ABCC6: variants seen among roughly 807,000 people sequenced by gnomAD.
The protein encoded by ABCC6 is ATP-binding cassette sub-family C member 6.
ABCC6 carries 126 observed loss-of-function variants against 169.5 expected under a neutral mutation model. The ratio of observed to expected loss-of-function variants is 0.74; its 90% confidence interval spans 0.64 to 0.86. The LOEUF (loss-of-function observed/expected upper bound fraction) is 0.86. ABCC6 is among the 40% of genes least tolerant of loss of function. The pLI, the probability that ABCC6 is intolerant of heterozygous loss-of-function variation, is 0.00. For synonymous variants in ABCC6, 752 were observed against 814.7 expected (o/e 0.92, Z 1.31); for missense variants, 1,733 against 1,927.2 (o/e 0.90, Z 1.89).
At chr16:16,186,980 G>T (rs897129499) in intron 14 of ABCC6, 144 bp downstream of exon 14, 2 of 722,186 alleles carry the variant, frequency 2.8e-6, no homozygotes, top group East Asian at 2.7e-5. Context: ...CAAGTGACAC[G>T]CAGATGGCGT....
intron 6 of ABCC6, 141 bp from the exon 7 acceptor site, chr16:16,209,000 T>C (rs2048500675): frequency 1.3e-6 from 1 of 797,024 alleles, no homozygotes; most frequent in African/African-American, 1.7e-5. Flanking sequence ...AAGAAAGCAA[T>C]TCACTAACCC....
intron 11 of ABCC6, among the ~76,000 whole-genome samples, chr16:16,192,607 TGAC>T (rs1197863646): frequency 6.6e-6 from 1 of 152,136 alleles, no homozygotes; most frequent in Admixed American, 6.5e-5. Flanking sequence ...GGCATTGAAC[TGAC>T]CCAGGGCCTG....
chr16:16,150,747 G>A lies in ABCC6; in HGVS notation c.4234C>T (p.Leu1412=). 6.2e-7 allele frequency: 1 copy of A among 1,613,870 alleles called. No homozygotes were observed. The highest frequency in any genetic ancestry group is 2.2e-5 in the East Asian group (1 of 44,870). ...LSVGQKQLLC[L]ARALLRKTQI... Reference sequence around the variant, plus strand: ...GTCTTCCGGAGAAGGGCACGTGCCAGACACAGGAGCTGTTTCTGGCCCACG... The same window carrying A: ...GTCTTCCGGAGAAGGGCACGTGCCAAACACAGGAGCTGTTTCTGGCCCACG... The change falls in exon 30 of 31, where the codon CTG becomes TTG. Residue 1412 remains leucine, a synonymous_variant. Transcript: ENST00000205557.
At chr16:16,162,908 T>G in intron 24 of ABCC6, 85 bp downstream of exon 24, 2 of 1,567,928 alleles carry the variant, frequency 1.3e-6, no homozygotes, top group Non-Finnish European at 1.8e-6. Flanking sequence ...CTGGGTGACC[T>G]CTCTACCATA....
At chr16:16,184,198 C>CAAAAAAAAAA (rs56071235) in intron 15 of ABCC6, 1 of 71,346 alleles carries the variant, frequency 1.4e-5, no homozygotes, top group Non-Finnish European at 2.6e-5. Context: ...GACTCCGTTT[C>CAAAAAAAAAA]AAAAAAAAAA....
At position 16,149,961 on chromosome 16, in the gene ABCC6, C is replaced by T. The variant is rs2152206442; in HGVS notation, c.*172G>A. On this transcript the variant is annotated 3_prime_UTR_variant, in exon 31 of 31. Transcript: ENST00000205557. ...CCTGTGTATTGCTAGGTCCTTCCGG[C>T]TCTGATGCTCTGTGATAATTGGCCA... 3.0e-6 allele frequency: 3 copies of T among 1,014,832 alleles called. No individual in the cohort carries two copies. Among genetic ancestry groups the T allele is most frequent in the Non-Finnish European group, 4.5e-6 (3 of 672,488 alleles). The allele number at this position is 1,014,832 out of a possible 1,614,324, so 62.9% of individuals were successfully genotyped here.
intron 22 of ABCC6, among the ~76,000 whole-genome samples, chr16:16,166,747 TG>T (rs1185224134): frequency 1.3e-5 from 2 of 151,936 alleles, no homozygotes; most frequent in Admixed American, 1.3e-4. Flanking sequence ...AAAAATTAGC[TG>T]GGCGTGGTGG....
Position 16,187,205 on chromosome 16 carries a change from C to G in ABCC6, c.1786G>C (p.Val596Leu). 6.2e-7 allele frequency: 1 copy of G among 1,613,444 alleles called. No homozygotes were observed. Among genetic ancestry groups the G allele is most frequent in the Non-Finnish European group, 8.5e-7 (1 of 1,179,718 alleles). The change falls in exon 14 of 31, where the codon GTG (valine) becomes CTG (leucine). Residue 596 changes from valine to leucine, a missense_variant. This residue lies in a region of ABCC6 where 1,601 missense variants were observed against 1,635.5 expected (regional missense o/e 0.98). Coordinates refer to ENST00000205557, the MANE Select transcript of ABCC6 (RefSeq NM_001171.6). Reference protein sequence around the residue: ...FSIHSLVQARVSFDRLVTFLC... With the variant: ...FSIHSLVQARLSFDRLVTFLC... ...AAGGTGACCAGACGGTCAAAGGACACCCGGGCCTAGGAAAACCGAAGCCGC... is the reference window on the plus strand; with the variant it reads ...AAGGTGACCAGACGGTCAAAGGACAGCCGGGCCTAGGAAAACCGAAGCCGC...
chr16:16,194,047 C>T (rs992384729), intron 10 of ABCC6, among the ~76,000 whole-genome samples: 6 of 152,194 alleles, frequency 3.9e-5, no homozygotes, highest in Non-Finnish European at 7.3e-5. Context: ...TGCACACACA[C>T]GAGTGGGACT....
At chr16:16,159,949 G>C (rs1393709800) in intron 25 of ABCC6, among the ~76,000 whole-genome samples, 1 of 152,026 alleles carries the variant, frequency 6.6e-6, no homozygotes, top group Non-Finnish European at 1.5e-5. Context: ...GCAGCGACTG[G>C]GTGGCCACCA....
In ABCC6 at chr16:16,155,008, C is replaced by T. The variant is rs1165153151; in HGVS notation, c.3906G>A (p.Gly1302=). The T allele has an allele frequency of 1.9e-6, 3 of 1,561,554 alleles. No individual in the cohort carries two copies. Among genetic ancestry groups the T allele is most frequent in the East Asian group, 4.8e-5 (2 of 41,792 alleles). The stretch of plus-strand genomic sequence containing the variant: ...CACTGGCCAGGGAGGACTTCCCTGC[C>T]CCGGTCCTGCCAACGATGCCCACCT... ...GEKVGIVGRT[G]AGKSSLASGL... is the part of the protein sequence containing the mutation. Residue 1302 remains glycine (G), a synonymous_variant, in exon 28 of 31, where the codon GGG becomes GGA. Coordinates refer to ENST00000205557, the MANE Select transcript of ABCC6 (RefSeq NM_001171.6).
intron 12 of ABCC6, among the ~76,000 whole-genome samples, chr16:16,189,654 G>A (rs975026183): frequency 1.3e-5 from 2 of 152,234 alleles, no homozygotes; most frequent in Admixed American, 6.5e-5. Context: ...CTGACCTCAG[G>A]TGATCCACCC....
rs28609481 is a variant in ABCC6, at chr16:16,162,478, G to A, written c.3506+515C>T. Among the ~76,000 whole-genome samples the A allele has an allele frequency of 4.4e-3, 676 of 152,316 alleles. 6 individuals carry two copies. Among genetic ancestry groups the A allele is most frequent in the African/African-American group, 0.015 (621 of 41,572 alleles). The stretch of plus-strand genomic sequence containing the variant: ...TAAATTAATCTACATAGATTGCTCA[G>A]AACAGTGCCAGGCATGCAGTAAGCA... On this transcript the variant is annotated intron_variant, in intron 24 of 30. Coordinates refer to ENST00000205557, the MANE Select transcript of ABCC6 (RefSeq NM_001171.6).
rs59683222 is a variant in ABCC6 at position 16,192,807 on chromosome 16, C to A, written c.1431+23G>T. 3.7e-6 allele frequency: 6 copies of A among 1,600,016 alleles called. No homozygotes were observed. In the South Asian group the frequency reaches 5.5e-5, roughly 15 times the overall value. ...CTTCCTCCCTACTTCCTGCCTGGTC[C>A]GTCCCTTTCCCAAAAGCCAAACCTG... On this transcript the variant is annotated intron_variant, in intron 11 of 30. Transcript: ENST00000205557.
intron 15 of ABCC6, among the ~76,000 whole-genome samples, chr16:16,183,252 T>C (rs1219824648): frequency 6.6e-6 from 1 of 152,062 alleles, no homozygotes; most frequent in Non-Finnish European, 1.5e-5. Context: ...CAATCCATGC[T>C]CACACGCATA....
intron 13 of ABCC6, 83 bp downstream of exon 13, chr16:16,188,748 C>A (rs903860310): frequency 1.1e-4 from 162 of 1,525,390 alleles, no homozygotes; most frequent in Admixed American, 2.9e-4. Flanking sequence ...CTCTCCTCTG[C>A]AAATGGCAGG....
chr16:16,171,375 C>A (rs115711555), intron 21 of ABCC6, among the ~76,000 whole-genome samples: 1 of 152,164 alleles, frequency 6.6e-6, no homozygotes, highest in Non-Finnish European at 1.5e-5. Flanking sequence ...TGAGCCACTG[C>A]GCCTGATCAT....
rs1596656453 is a variant in ABCC6, at chr16:16,182,472, A to G, written c.2187T>C (p.Cys729=). The change falls in exon 17 of 31, where the codon TGT becomes TGC. Residue 729 remains cysteine (C), a synonymous_variant. Coordinates refer to ENST00000205557, the MANE Select transcript of ABCC6 (RefSeq NM_001171.6). ...AGCTGTCCACATCTGGCTGCAGGGC[A>G]CAGGCTTCTAGTACTCTCTCCAGCC... is the stretch of plus-strand genomic sequence containing the variant. ...PPWLERVLEA[C]ALQPDVDSFP... is the part of the protein sequence containing the mutation. 1 of 1,614,182 alleles carries G rather than the reference A, an allele frequency of 6.2e-7. No individual in the cohort carries two copies. The highest frequency in any genetic ancestry group is 8.5e-7 in the Non-Finnish European group (1 of 1,180,034).
intron 10 of ABCC6, among the ~76,000 whole-genome samples, chr16:16,196,576 C>T (rs1052711469): frequency 2.0e-5 from 3 of 152,208 alleles, no homozygotes; most frequent in African/African-American, 4.8e-5. Flanking sequence ...ATGATCCTCA[C>T]GTTGGAGACA....
Sources: gnomAD v4.1 joint callset for allele counts (sites outside exome capture counted in the v4.1 genomes callset) on GRCh38, gnomAD v4.1.1 for gene constraint, gnomAD v4.1.1 regional missense constraint, MANE v1.5 for transcripts, NCBI Gene and HGNC (gene_info 2026-07-23, HGNC 2026-07-21) for gene names.